The following STK32B variants were observed in gnomAD, a reference collection of about 807,000 sequenced individuals.
The protein encoded by STK32B is serine/threonine-protein kinase 32B.
Under a neutral mutation model 52.6 loss-of-function variants are expected in STK32B, and 43 were observed. That is an observed-to-expected ratio of 0.82 (90% CI 0.64 to 1.05). The LOEUF is 1.05. Among genes scored for constraint, STK32B ranks in the 50% least tolerant of loss-of-function variants. The pLI is 0.00. For synonymous variants in STK32B, 238 were observed against 204.3 expected, an observed-to-expected ratio of 1.17 and a Z score of -1.41; for missense variants, 621 against 534.6, an observed-to-expected ratio of 1.16 and a Z score of -1.59.
chr4:5,350,541 C>G (rs887637052), intron 4 of STK32B, among the ~76,000 whole-genome samples: 2 of 151,758 alleles, frequency 1.3e-5, no homozygotes, highest in Non-Finnish European at 2.9e-5. Context: ...GTAGAGAATA[C>G]CACCAAAACG....
In STK32B at chr4:5,453,732, G is replaced by A. The variant is rs540085323; in HGVS notation, c.667-3075G>A. On this transcript the variant is annotated intron_variant, in intron 7 of 11. Transcript: ENST00000282908. The surrounding 1 kb of genome is among the most constrained non-coding windows in gnomAD (Gnocchi z 4.0). ...CAACCTGGCCAACATGGTAAAACCC[G>A]GTCTCTACTAAAAATAAAAAAGATT... Among the ~76,000 whole-genome samples, 3 of 151,840 alleles carry A rather than the reference G, an allele frequency of 2.0e-5. No individual in the cohort carries two copies. The highest frequency in any genetic ancestry group is 1.9e-4 in the East Asian group (1 of 5,148).
intron 4 of STK32B, among the ~76,000 whole-genome samples, chr4:5,370,571 G>A (rs1366867507): frequency 6.6e-6 from 1 of 152,182 alleles, no homozygotes; most frequent in Admixed American, 6.5e-5. Context: ...AGAAGCAGGT[G>A]ACACAGAGCA....
intron 4 of STK32B, among the ~76,000 whole-genome samples, chr4:5,354,257 A>C (rs1734032082): frequency 6.6e-6 from 1 of 152,132 alleles, no homozygotes; most frequent in Non-Finnish European, 1.5e-5. Context: ...CAGGGGGTGA[A>C]GAAAAATAGA....
At chr4:5,250,592 C>A (rs565996751) in intron 3 of STK32B, among the ~76,000 whole-genome samples, 4 of 152,232 alleles carry the variant, frequency 2.6e-5, no homozygotes, top group Admixed American at 2.0e-4. Context: ...GGATTACAGG[C>A]GTGAGCCACC....
chr4:5,057,229 G>T (rs972951702), intron 1 of STK32B, among the ~76,000 whole-genome samples: 15 of 152,180 alleles, frequency 9.9e-5, no homozygotes, highest in African/African-American at 3.1e-4. Flanking sequence ...AAGGTCATTG[G>T]AGACTATGCC....
At chr4:5,298,213 G>T (rs112538806) in intron 3 of STK32B, among the ~76,000 whole-genome samples, 1 of 152,122 alleles carries the variant, frequency 6.6e-6, no homozygotes, top group Non-Finnish European at 1.5e-5. Context: ...TGTATAAGGT[G>T]TCTGTCGACC....
At chr4:5,367,890 A>T (rs1027582508) in intron 4 of STK32B, among the ~76,000 whole-genome samples, 3 of 152,040 alleles carry the variant, frequency 2.0e-5, no homozygotes, top group Admixed American at 2.0e-4. Flanking sequence ...TAAGATTCAG[A>T]CCTCTCCCTG....
At chr4:5,123,641 C>G (rs1187967170) in intron 1 of STK32B, among the ~76,000 whole-genome samples, 4 of 152,068 alleles carry the variant, frequency 2.6e-5, no homozygotes, top group Admixed American at 2.6e-4. Context: ...ACGTGGCCAC[C>G]CTGGGTGCAT....
At chr4:5,089,937 G>A (rs879134728) in intron 1 of STK32B, among the ~76,000 whole-genome samples, 2 of 152,086 alleles carry the variant, frequency 1.3e-5, no homozygotes, top group Non-Finnish European at 2.9e-5. Context: ...TCTCATTGTG[G>A]TTTCGATTTG....
chr4:5,318,576 G>A (rs1248386886), intron 3 of STK32B, among the ~76,000 whole-genome samples: 1 of 152,110 alleles, frequency 6.6e-6, no homozygotes, highest in Non-Finnish European at 1.5e-5. Context: ...GATATATTGG[G>A]ACATCACTGC....
chr4:5,064,896 T>C (rs887801854), intron 1 of STK32B, among the ~76,000 whole-genome samples: 3 of 148,596 alleles, frequency 2.0e-5, no homozygotes, highest in Admixed American at 6.9e-5. Context: ...TAAGAAAACC[T>C]TCTCCTCCTT....
chr4:5,455,932 C>A (rs575725250), intron 7 of STK32B, among the ~76,000 whole-genome samples: 7 of 152,170 alleles, frequency 4.6e-5, no homozygotes, highest in Non-Finnish European at 1.0e-4. Flanking sequence ...TACCACCACA[C>A]GTGCCAGGGA....
At chr4:5,175,378 TC>T (rs1308446948) in intron 3 of STK32B, among the ~76,000 whole-genome samples, 1 of 152,250 alleles carries the variant, frequency 6.6e-6, no homozygotes, top group African/African-American at 2.4e-5. Context: ...GAAGAGGCAC[TC>T]TGATTTTTAG....
intron 4 of STK32B, among the ~76,000 whole-genome samples, chr4:5,355,156 A>T (rs1469441578): frequency 6.6e-6 from 1 of 152,164 alleles, no homozygotes; most frequent in East Asian, 1.9e-4. Flanking sequence ...CGAATCCTCT[A>T]CCCCACAGGG....
At chr4:5,055,121 ACTCT>A (rs1741951199) in intron 1 of STK32B, among the ~76,000 whole-genome samples, 2 of 151,944 alleles carry the variant, frequency 1.3e-5, no homozygotes, top group South Asian at 4.2e-4. Flanking sequence ...AAAAGGTCTC[ACTCT>A]GTCACCCAGG....
At chr4:5,330,001 T>C (rs992548021) in intron 3 of STK32B, among the ~76,000 whole-genome samples, 1 of 152,148 alleles carries the variant, frequency 6.6e-6, no homozygotes, top group African/African-American at 2.4e-5. Context: ...TACTGGAACA[T>C]AGTGTGGGTG....
intron 1 of STK32B, among the ~76,000 whole-genome samples, chr4:5,067,380 A>G (rs778258443): frequency 6.6e-5 from 10 of 152,172 alleles, no homozygotes; most frequent in Non-Finnish European, 1.2e-4. Context: ...ACAAGACCAT[A>G]GACTCCACAA....
intron 5 of STK32B, 62 bp from the exon 6 acceptor site, chr4:5,416,783 C>T: frequency 6.7e-7 from 1 of 1,482,618 alleles, no homozygotes. Flanking sequence ...CAAACCACAG[C>T]TTTAAATAAC....
chr4:5,238,057 T>C lies in STK32B; in HGVS notation c.260+69607T>C, dbSNP rs1577228104. ...CTCTTACGCTCACATTCTATGATTG[T>C]GATTCTTTGATGAACACGTAGGAAG... is the stretch of plus-strand genomic sequence containing the variant. On this transcript the variant is annotated intron_variant, in intron 3 of 11. Coordinates refer to ENST00000282908, the MANE Select transcript of STK32B (RefSeq NM_018401.3). 4.6e-5 allele frequency among the ~76,000 whole-genome samples: 7 copies of C among 152,336 alleles called. No homozygotes were observed. In the South Asian group the frequency reaches 1.4e-3, roughly 32 times the overall value.
Sources: gnomAD v4.1 joint callset for allele counts (sites outside exome capture counted in the v4.1 genomes callset) on GRCh38, gnomAD v4.1.1 for gene constraint, Gnocchi (gnomAD v3.1) non-coding constraint, MANE v1.5 for transcripts, NCBI Gene and HGNC (gene_info 2026-07-23, HGNC 2026-07-21) for gene names.